Variants in CRIM1 observed in about 807,000 individuals in gnomAD.
CRIM1 encodes the protein cysteine rich transmembrane BMP regulator 1.
Under a neutral mutation model 116.4 loss-of-function variants are expected in CRIM1, and 32 were observed. That is an observed-to-expected ratio of 0.27 (90% CI 0.21 to 0.37). The LOEUF is 0.37. Ranked by LOEUF, CRIM1 falls within the 10% of genes least tolerant of loss-of-function variation. The pLI is 1.00. For missense variants in CRIM1, 1,331 were observed against 1,354.8 expected, an observed-to-expected ratio of 0.98 and a Z score of 0.28; for synonymous variants, 590 against 509.2, an observed-to-expected ratio of 1.16 and a Z score of -2.13.
At chr2:36,428,988 T>C (rs571664658) in intron 2 of CRIM1, among the ~76,000 whole-genome samples, 1 of 152,332 alleles carries the variant, frequency 6.6e-6, no homozygotes, top group African/African-American at 2.4e-5. Context: ...GTGCTCCTTT[T>C]CCCATAATGC....
At chr2:36,484,714 C>A (rs1679687943) in intron 7 of CRIM1, among the ~76,000 whole-genome samples, 1 of 152,154 alleles carries the variant, frequency 6.6e-6, no homozygotes, top group African/African-American at 2.4e-5. Context: ...TGCACCATCT[C>A]CTGCACGGAG....
At chr2:36,380,099 C>T (rs553250821) in intron 1 of CRIM1, among the ~76,000 whole-genome samples, 2 of 152,130 alleles carry the variant, frequency 1.3e-5, no homozygotes, top group African/African-American at 4.8e-5. Flanking sequence ...TATTCCTTCT[C>T]CCCAATCTCC....
intron 4 of CRIM1, among the ~76,000 whole-genome samples, chr2:36,447,273 A>G (rs1268008733): frequency 6.6e-6 from 1 of 152,138 alleles, no homozygotes. Flanking sequence ...TGCTCTTTCC[A>G]CTGGAGCTTT....
At chr2:36,359,935 G>A (rs1669110446) in intron 1 of CRIM1, among the ~76,000 whole-genome samples, 1 of 152,100 alleles carries the variant, frequency 6.6e-6, no homozygotes, top group African/African-American at 2.4e-5. Context: ...TGTTTTCTTG[G>A]CCAGGCTGCC....
chr2:36,547,868 GC>G (rs1195994413), intron 16 of CRIM1, among the ~76,000 whole-genome samples: 1 of 152,158 alleles, frequency 6.6e-6, no homozygotes, highest in Non-Finnish European at 1.5e-5. Context: ...TCTACCTTTT[GC>G]CTTGAGTTGG....
intron 8 of CRIM1, among the ~76,000 whole-genome samples, chr2:36,504,208 C>G (rs909296574): frequency 6.6e-6 from 1 of 152,154 alleles, no homozygotes; most frequent in Non-Finnish European, 1.5e-5. Flanking sequence ...CAGCACCCCA[C>G]AAGTATTTCT....
intron 4 of CRIM1, among the ~76,000 whole-genome samples, chr2:36,462,351 G>T (rs1677648131): frequency 6.6e-6 from 1 of 152,172 alleles, no homozygotes; most frequent in South Asian, 2.1e-4. Flanking sequence ...CTCCCTAAAT[G>T]TATTTTTTAA....
chr2:36,515,254 G>C (rs747956399), intron 11 of CRIM1, among the ~76,000 whole-genome samples: 12 of 152,140 alleles, frequency 7.9e-5, no homozygotes, highest in Non-Finnish European at 1.6e-4. Flanking sequence ...CATTAAGAAT[G>C]GATAATTGAC....
chr2:36,510,545 C>T (rs1664591099), intron 9 of CRIM1, among the ~76,000 whole-genome samples: 1 of 152,202 alleles, frequency 6.6e-6, no homozygotes, highest in East Asian at 1.9e-4. Context: ...AAGACCGACC[C>T]CCCACTCACT....
intron 15 of CRIM1, among the ~76,000 whole-genome samples, chr2:36,545,195 T>C (rs1667232145): frequency 6.6e-6 from 1 of 152,188 alleles, no homozygotes; most frequent in Admixed American, 6.5e-5. Flanking sequence ...CTTATATTTC[T>C]TTTGGAAGAA....
At position 36,550,345 on chromosome 2, in the gene CRIM1, T is replaced by C. The variant is rs555751582; in HGVS notation, c.*1644T>C. The C allele has an allele frequency of 1.3e-5, 2 of 152,464 alleles. No individual in the cohort carries two copies. The highest frequency in any genetic ancestry group is 4.2e-4 in the South Asian group (2 of 4,812). 9.4% of individuals were successfully genotyped at this position (152,464 alleles called of 1,614,324 possible). A position where few individuals can be genotyped will look rare whatever the true frequency, so the allele number is the denominator to read the frequency against. ...CTCAAATATAACTGACTGTATACTA[T>C]AGTGGTAACTTTTCAAACAGCCCTT... is the stretch of plus-strand genomic sequence containing the variant. On this transcript the variant is annotated 3_prime_UTR_variant, in exon 17 of 17. Transcript: ENST00000280527.
intron 2 of CRIM1, among the ~76,000 whole-genome samples, chr2:36,423,494 T>C (rs1006151967): frequency 6.6e-6 from 1 of 152,240 alleles, no homozygotes; most frequent in Non-Finnish European, 1.5e-5. Flanking sequence ...TGCAATTCAT[T>C]GTGTACAGAC....
rs35770990 is a variant in CRIM1 at position 36,378,806 on chromosome 2, GTT to G, written c.332-17789_332-17788del. On this transcript the variant is annotated intron_variant, in intron 1 of 16. Transcript: ENST00000280527. ...GATGGGAGTTTTTTTGTTGTTTTCG[GTT>G]TTTTTTTTTTTTTTTTTTGAGACGG... 3.9e-3 allele frequency: 461 copies of G among 118,892 alleles called. 4 individuals are homozygous for G. The highest frequency in any genetic ancestry group is 0.015 in the African/African-American group (432 of 29,586). 7.4% of individuals were successfully genotyped at this position (118,892 alleles called of 1,614,324 possible).
intron 2 of CRIM1, among the ~76,000 whole-genome samples, chr2:36,426,579 T>C (rs1174429601): frequency 6.6e-6 from 1 of 152,172 alleles, no homozygotes; most frequent in Non-Finnish European, 1.5e-5. Context: ...AGCAATAGTC[T>C]GGATCCTGGA....
Position 36,456,970 on chromosome 2 carries a change from A to T in CRIM1, c.870-7564A>T, listed in dbSNP as rs182096336. Among the ~76,000 whole-genome samples the T allele has an allele frequency of 1.3e-3, 200 of 152,224 alleles. 1 individual carries two copies. The highest frequency in any genetic ancestry group is 4.7e-3 in the African/African-American group (196 of 41,534). On this transcript the variant is annotated intron_variant, in intron 4 of 16. Coordinates refer to ENST00000280527, the MANE Select transcript of CRIM1 (RefSeq NM_016441.3). ...TCTTATAGGAACCACGTAGACTTAC[A>T]ACTTCTGTTCTCCTGCAGCTTATAC...
intron 4 of CRIM1, among the ~76,000 whole-genome samples, chr2:36,459,117 T>C (rs1374407505): frequency 6.6e-6 from 1 of 152,150 alleles, no homozygotes; most frequent in Non-Finnish European, 1.5e-5. Context: ...AAAGTACAAA[T>C]TAAACTGTGA....
intron 7 of CRIM1, 124 bp downstream of exon 7, chr2:36,479,818 G>A: frequency 1.1e-6 from 1 of 904,864 alleles, no homozygotes; most frequent in Non-Finnish European, 1.7e-6. Flanking sequence ...GTTACCAGTT[G>A]CCAACAAATT....
intron 1 of CRIM1, among the ~76,000 whole-genome samples, chr2:36,393,592 A>G (rs1671789040): frequency 1.3e-5 from 2 of 152,114 alleles, no homozygotes; most frequent in Admixed American, 1.3e-4. Flanking sequence ...ATGGTAGGGG[A>G]CAACAGGTCT....
intron 3 of CRIM1, among the ~76,000 whole-genome samples, chr2:36,441,805 A>G (rs1239407363): frequency 6.6e-6 from 1 of 152,138 alleles, no homozygotes; most frequent in Admixed American, 6.5e-5. Flanking sequence ...TACTATGGCA[A>G]TCTGCTTCAT....
Sources: gnomAD v4.1 joint callset for allele counts (sites outside exome capture counted in the v4.1 genomes callset) on GRCh38, gnomAD v4.1.1 for gene constraint, MANE v1.5 for transcripts, NCBI Gene and HGNC (gene_info 2026-07-23, HGNC 2026-07-21) for gene names.